The following KIAA1217 variants were observed in gnomAD, a reference collection of about 807,000 sequenced individuals.
KIAA1217 encodes the protein KIAA1217, also known as sickle tail protein homolog.
Under a neutral mutation model 163.9 loss-of-function variants are expected in KIAA1217, and 88 were observed. The observed-to-expected ratio is 0.54, with a 90% confidence interval of 0.45 to 0.64. The LOEUF (loss-of-function observed/expected upper bound fraction) is 0.64, where lower values mean the gene tolerates loss of function less well. Ranked by LOEUF, KIAA1217 falls within the 30% of genes least tolerant of loss-of-function variation. The pLI, the probability that KIAA1217 is intolerant of heterozygous loss-of-function variation, is 0.00. For synonymous variants in KIAA1217, 903 were observed against 923.1 expected (o/e 0.98, Z 0.39); for missense variants, 2,372 against 2,475.0 (o/e 0.96, Z 0.88).
At chr10:24,460,876 G>A (rs902700086) in intron 5 of KIAA1217, among the ~76,000 whole-genome samples, 4 of 152,166 alleles carry the variant, frequency 2.6e-5, no homozygotes, top group Non-Finnish European at 5.9e-5. Context: ...GAACAGTGAA[G>A]GTAGACATGA....
intron 2 of KIAA1217, among the ~76,000 whole-genome samples, chr10:24,135,235 G>A (rs939594645): frequency 6.6e-6 from 1 of 152,210 alleles, no homozygotes; most frequent in African/African-American, 2.4e-5. Context: ...CCACACCAGT[G>A]ATGGTCCCCG....
At chr10:24,502,358 C>T (rs568937572) in intron 9 of KIAA1217, among the ~76,000 whole-genome samples, 22 of 145,744 alleles carry the variant, frequency 1.5e-4, no homozygotes, top group South Asian at 2.2e-4. Flanking sequence ...TGATTTGTTA[C>T]GAAAAACATC....
At chr10:24,455,896 G>C (rs1166641265) in intron 5 of KIAA1217, among the ~76,000 whole-genome samples, 1 of 152,072 alleles carries the variant, frequency 6.6e-6, no homozygotes, top group Non-Finnish European at 1.5e-5. Context: ...AGTACTTTTT[G>C]TTTTTTTCTG....
At chr10:23,978,664 T>A (rs2131407229) in intron 1 of KIAA1217, among the ~76,000 whole-genome samples, 1 of 152,092 alleles carries the variant, frequency 6.6e-6, no homozygotes, top group East Asian at 1.9e-4. Flanking sequence ...TATAATACCC[T>A]ATACACAATC....
chr10:23,793,042 A>C (rs1218497349), intron 1 of KIAA1217, among the ~76,000 whole-genome samples: 1 of 82,154 alleles, frequency 1.2e-5, no homozygotes, highest in Non-Finnish European at 2.4e-5. Flanking sequence ...CTCATGTGGG[A>C]GAAGGGATGA....
At chr10:24,193,990 C>T (rs2066857745) in intron 2 of KIAA1217, among the ~76,000 whole-genome samples, 1 of 152,016 alleles carries the variant, frequency 6.6e-6, no homozygotes, top group Admixed American at 6.6e-5. Context: ...AGTTTGAGAC[C>T]AGCCTGGCCA....
intron 2 of KIAA1217, among the ~76,000 whole-genome samples, chr10:24,019,842 A>C (rs1847658430): frequency 6.6e-6 from 1 of 152,012 alleles, no homozygotes; most frequent in South Asian, 2.1e-4. Context: ...AAAATAAAAC[A>C]ACTCTAAAAA....
chr10:23,769,123 G>A (rs758914996), intron 1 of KIAA1217, among the ~76,000 whole-genome samples: 3 of 152,200 alleles, frequency 2.0e-5, no homozygotes, highest in African/African-American at 4.8e-5. Flanking sequence ...ATCAATCTCT[G>A]TGAGCATTCT....
At chr10:24,021,843 A>G (rs977026518) in intron 2 of KIAA1217, among the ~76,000 whole-genome samples, 8 of 150,808 alleles carry the variant, frequency 5.3e-5, no homozygotes, top group African/African-American at 1.5e-4. Context: ...AAGACAATTC[A>G]ATGAAGAAAG....
chr10:24,510,828 A>G (rs1036832464), intron 9 of KIAA1217, among the ~76,000 whole-genome samples: 1 of 152,322 alleles, frequency 6.6e-6, no homozygotes, highest in South Asian at 2.1e-4. Flanking sequence ...ATCCCAACAC[A>G]TATCTAAGCC....
Position 24,520,675 on chromosome 10 carries a change from T to TATATATACAC in KIAA1217, c.2308+423_2308+424insTATATACACA, listed in dbSNP as rs1411092462. ...AAATATATATATATATATATATATA[T>TATATATACAC]ACACACACACACAAAAAAAAATTAG... On this transcript the variant is annotated intron_variant, in intron 11 of 20. Transcript: ENST00000376454. 3.6e-3 allele frequency among the ~76,000 whole-genome samples: 279 copies of TATATATACAC among 76,936 alleles called. 5 individuals are homozygous for TATATATACAC. The highest frequency in any genetic ancestry group is 8.1e-3 in the East Asian group (13 of 1,610). The allele number at this position is 76,936 out of a possible 152,430, so 50.5% of individuals were successfully genotyped here.
intron 2 of KIAA1217, among the ~76,000 whole-genome samples, chr10:24,128,092 T>C (rs941281990): frequency 8.5e-5 from 13 of 152,254 alleles, no homozygotes; most frequent in African/African-American, 2.7e-4. Flanking sequence ...CTGAATTTTA[T>C]TCTGTGTTTG....
intron 1 of KIAA1217, among the ~76,000 whole-genome samples, chr10:23,856,734 C>A (rs1839694463): frequency 6.6e-6 from 1 of 152,270 alleles, no homozygotes; most frequent in Admixed American, 6.5e-5. Context: ...CTCCCCCAGC[C>A]TCGCTGCTGC....
intron 1 of KIAA1217, among the ~76,000 whole-genome samples, chr10:23,820,558 A>G (rs563051738): frequency 6.6e-6 from 1 of 152,320 alleles, no homozygotes; most frequent in East Asian, 1.9e-4. Context: ...TTTATGGAGG[A>G]AGTGAGTTTT....
chr10:24,360,369 C>T (rs918995767), intron 2 of KIAA1217, among the ~76,000 whole-genome samples: 3 of 152,106 alleles, frequency 2.0e-5, no homozygotes, highest in South Asian at 2.1e-4. Flanking sequence ...TATTTCCCAA[C>T]GTTTGGTCTT....
chr10:23,967,437 A>AT (rs1325913654), intron 1 of KIAA1217, among the ~76,000 whole-genome samples: 1 of 152,196 alleles, frequency 6.6e-6, no homozygotes, highest in Non-Finnish European at 1.5e-5. Context: ...CTTCAGGTTT[A>AT]TTTTTAATAG....
intron 1 of KIAA1217, among the ~76,000 whole-genome samples, chr10:23,843,454 C>T (rs893191668): frequency 6.6e-6 from 1 of 152,152 alleles, no homozygotes; most frequent in African/African-American, 2.4e-5. Context: ...CCCTGCCTTC[C>T]TCTCTGATCC....
intron 2 of KIAA1217, among the ~76,000 whole-genome samples, chr10:24,307,946 C>T (rs868419913): frequency 1.6e-4 from 25 of 152,178 alleles, no homozygotes; most frequent in African/African-American, 5.8e-4. Context: ...TGGGTCACTG[C>T]CCGAGTCATG....
chr10:24,322,693 C>T (rs181246327), intron 2 of KIAA1217, among the ~76,000 whole-genome samples: 8 of 152,132 alleles, frequency 5.3e-5, no homozygotes, highest in East Asian at 3.9e-4. Context: ...AGTGGGTAGA[C>T]GTCTTTCGTG....
Sources: allele counts gnomAD v4.1 joint callset (sites outside exome capture counted in the v4.1 genomes callset), GRCh38; gene constraint gnomAD v4.1.1; transcripts MANE v1.5; gene names NCBI Gene and HGNC (gene_info 2026-07-23, HGNC 2026-07-21).